RIMS2: variants seen among roughly 807,000 people sequenced by gnomAD.
RIMS2 encodes regulating synaptic membrane exocytosis protein 2.
Under a neutral mutation model 174.4 loss-of-function variants are expected in RIMS2, and 59 were observed. The observed-to-expected ratio is 0.34, with a 90% CI of 0.27 to 0.42. The LOEUF is 0.42. Ranked by LOEUF, RIMS2 falls within the 10% of genes least tolerant of loss-of-function variation. The probability of loss-of-function intolerance (pLI) is 1.00; values close to 1 mark genes in which losing one functional copy is unlikely to be tolerated. For synonymous variants in RIMS2, 606 were observed against 572.5 expected (o/e 1.06, Z -0.84); for missense variants, 1,620 against 1,666.3 (o/e 0.97, Z 0.48).
intron 3 of RIMS2, among the ~76,000 whole-genome samples, chr8:103,837,338 T>C (rs986392155): frequency 6.6e-6 from 1 of 152,250 alleles, no homozygotes; most frequent in African/African-American, 2.4e-5. Context: ...TGTTACCTTA[T>C]TGGCTTTTAG....
intron 19 of RIMS2, among the ~76,000 whole-genome samples, chr8:104,030,294 T>C (rs188878635): frequency 7.9e-5 from 12 of 152,272 alleles, no homozygotes; most frequent in Admixed American, 2.0e-4. Context: ...AAGACCAGCC[T>C]GAGCAACATA....
At chr8:103,503,335 A>C (rs1391225942) in intron 1 of RIMS2, among the ~76,000 whole-genome samples, 1 of 151,942 alleles carries the variant, frequency 6.6e-6, no homozygotes, top group Non-Finnish European at 1.5e-5. Context: ...AATGAAATGA[A>C]TAGACTTTAT....
chr8:104,211,856 A>C (rs781773370), intron 19 of RIMS2, among the ~76,000 whole-genome samples: 1 of 152,174 alleles, frequency 6.6e-6, no homozygotes. Flanking sequence ...TATGAGGAAT[A>C]TCTTGGGGGC....
At chr8:103,872,664 G>A (rs1366164229) in intron 3 of RIMS2, among the ~76,000 whole-genome samples, 1 of 152,190 alleles carries the variant, frequency 6.6e-6, no homozygotes, top group Non-Finnish European at 1.5e-5. Context: ...GTTATAGGTA[G>A]TAGCACCACA....
intron 3 of RIMS2, among the ~76,000 whole-genome samples, chr8:103,874,628 G>A (rs1402436313): frequency 2.0e-5 from 3 of 151,910 alleles, no homozygotes; most frequent in African/African-American, 4.8e-5. Flanking sequence ...TTTTAAAATT[G>A]CTAAAGAAAC....
chr8:103,862,358 C>A (rs891698483), intron 3 of RIMS2, among the ~76,000 whole-genome samples: 7 of 151,784 alleles, frequency 4.6e-5, no homozygotes, highest in Admixed American at 2.0e-4. Flanking sequence ...TATTAATTCC[C>A]TGCTCTTTTA....
At chr8:103,633,430 G>T (rs1035171565) in intron 1 of RIMS2, among the ~76,000 whole-genome samples, 1 of 152,020 alleles carries the variant, frequency 6.6e-6, no homozygotes, top group African/African-American at 2.4e-5. Context: ...TTGTGCTGCT[G>T]GATTCAGTTT....
At chr8:104,044,707 C>T (rs2096664386) in intron 19 of RIMS2, among the ~76,000 whole-genome samples, 2 of 151,002 alleles carry the variant, frequency 1.3e-5, no homozygotes, top group African/African-American at 4.9e-5. Context: ...TCTATAATAC[C>T]CCTTTTCTTC....
chr8:103,662,225 G>A (rs572888726), intron 1 of RIMS2, among the ~76,000 whole-genome samples: 1 of 152,316 alleles, frequency 6.6e-6, no homozygotes, highest in Non-Finnish European at 1.5e-5. Flanking sequence ...CATATAGACA[G>A]AAGATGTTTT....
At chr8:104,119,592 A>T (rs373246015) in intron 19 of RIMS2, among the ~76,000 whole-genome samples, 1 of 152,208 alleles carries the variant, frequency 6.6e-6, no homozygotes, top group African/African-American at 2.4e-5. Flanking sequence ...TAAGTCAAAA[A>T]TATGGTATTT....
At chr8:104,034,954 CA>C (rs201776061) in intron 19 of RIMS2, among the ~76,000 whole-genome samples, 1,963 of 151,980 alleles carry the variant, frequency 0.013, 18 homozygotes, top group Non-Finnish European at 0.021. Context: ...AATTACCACA[CA>C]AAAAAGTAGT....
chr8:103,964,447 C>T (rs2091208225), intron 15 of RIMS2, among the ~76,000 whole-genome samples: 1 of 152,022 alleles, frequency 6.6e-6, no homozygotes, highest in African/African-American at 2.4e-5. Flanking sequence ...GCTTATTTGC[C>T]ATCTGTTTAA....
intron 17 of RIMS2, among the ~76,000 whole-genome samples, chr8:104,002,824 A>G (rs537185436): frequency 6.6e-6 from 1 of 152,278 alleles, no homozygotes; most frequent in Admixed American, 6.6e-5. Flanking sequence ...GGAACAGGAG[A>G]GTAGAGACTT....
intron 19 of RIMS2, among the ~76,000 whole-genome samples, chr8:104,170,808 A>G (rs28883100): frequency 0.43 from 64,545 of 151,736 alleles, 14,088 homozygotes; most frequent in East Asian, 0.6. Flanking sequence ...GTTTTGTTTC[A>G]ATGTTTAGAA....
At chr8:104,049,570 G>A (rs1597750531) in intron 19 of RIMS2, among the ~76,000 whole-genome samples, 2 of 152,220 alleles carry the variant, frequency 1.3e-5, no homozygotes, top group African/African-American at 2.4e-5. Flanking sequence ...AGGCCAATGC[G>A]ATCTTGGACA....
intron 19 of RIMS2, among the ~76,000 whole-genome samples, chr8:104,091,396 A>G (rs868393905): frequency 9.9e-5 from 15 of 151,618 alleles, no homozygotes; most frequent in Non-Finnish European, 1.5e-5. Flanking sequence ...TTTATTATAA[A>G]TTATAAGAAT....
chr8:103,581,468 C>T (rs1334442880), intron 1 of RIMS2, among the ~76,000 whole-genome samples: 1 of 152,084 alleles, frequency 6.6e-6, no homozygotes, highest in Admixed American at 6.5e-5. Flanking sequence ...GTAGAAGGAA[C>T]ATAACTCAAA....
intron 2 of RIMS2, among the ~76,000 whole-genome samples, chr8:103,755,758 G>C (rs1194784020): frequency 6.6e-6 from 1 of 152,114 alleles, no homozygotes; most frequent in Non-Finnish European, 1.5e-5. Flanking sequence ...TTCTCGTGAT[G>C]TGTTTTTCAG....
intron 14 of RIMS2, among the ~76,000 whole-genome samples, chr8:103,945,818 T>G (rs1267399646): frequency 6.7e-6 from 1 of 150,186 alleles, no homozygotes; most frequent in African/African-American, 2.4e-5. Context: ...CTCCACAAAG[T>G]AGGCATAGAA....
Sources: allele counts gnomAD v4.1 joint callset (sites outside exome capture counted in the v4.1 genomes callset), GRCh38; gene constraint gnomAD v4.1.1; transcripts MANE v1.5; gene names NCBI Gene and HGNC (gene_info 2026-07-23, HGNC 2026-07-21).